The following SGCZ variants were observed in gnomAD, a reference collection of about 807,000 sequenced individuals.
SGCZ encodes sarcoglycan zeta.
SGCZ carries 40 observed loss-of-function variants against 41.3 expected under a neutral mutation model. That is an observed-to-expected ratio of 0.97 (90% confidence interval 0.75 to 1.26). SGCZ has a LOEUF of 1.26. Among genes scored for constraint, SGCZ ranks in the 50% most tolerant of loss-of-function variants. The pLI is 0.00. For synonymous variants in SGCZ, 206 were observed against 137.5 expected (o/e 1.50, Z -3.49); for missense variants, 552 against 369.8 (o/e 1.49, Z -4.04).
chr8:15,130,951 T>G (rs1323130022), intron 1 of SGCZ, among the ~76,000 whole-genome samples: 4 of 152,210 alleles, frequency 2.6e-5, no homozygotes, highest in African/African-American at 9.6e-5. Context: ...TTGACCATTG[T>G]GCTAGATACG....
chr8:14,799,212 A>G (rs1167479693), intron 1 of SGCZ, among the ~76,000 whole-genome samples: 1 of 152,176 alleles, frequency 6.6e-6, no homozygotes, highest in Non-Finnish European at 1.5e-5. Flanking sequence ...TTATTTCTTC[A>G]TCATAGTAAT....
chr8:14,673,229 G>T (rs757676660), intron 1 of SGCZ, among the ~76,000 whole-genome samples: 41 of 152,186 alleles, frequency 2.7e-4, no homozygotes, highest in Non-Finnish European at 5.0e-4. Flanking sequence ...TGGTTGATAT[G>T]GTTTGGCTCT....
intron 1 of SGCZ, among the ~76,000 whole-genome samples, chr8:14,649,746 C>T (rs1327311505): frequency 1.3e-5 from 2 of 152,018 alleles, no homozygotes; most frequent in African/African-American, 4.8e-5. Flanking sequence ...AAACAAACGC[C>T]TGTGAGGCTG....
chr8:14,747,751 G>T (rs1799381233), intron 1 of SGCZ, among the ~76,000 whole-genome samples: 1 of 147,672 alleles, frequency 6.8e-6, no homozygotes, highest in African/African-American at 2.5e-5. Context: ...GTCTCATTCT[G>T]TCCCAGGCTG....
At chr8:14,610,186 C>A (rs996014819) in intron 1 of SGCZ, among the ~76,000 whole-genome samples, 3 of 152,066 alleles carry the variant, frequency 2.0e-5, no homozygotes, top group Non-Finnish European at 2.9e-5. Context: ...TAAGTGGCCC[C>A]AACCTATATT....
chr8:15,176,959 C>A (rs1383748894), intron 1 of SGCZ, among the ~76,000 whole-genome samples: 1 of 152,036 alleles, frequency 6.6e-6, no homozygotes, highest in East Asian at 1.9e-4. Context: ...AGAGATCACG[C>A]CACTGCACTC....
At chr8:14,364,109 G>A (rs1419588796) in intron 2 of SGCZ, among the ~76,000 whole-genome samples, 1 of 152,034 alleles carries the variant, frequency 6.6e-6, no homozygotes, top group African/African-American at 2.4e-5. Context: ...AAAATATATA[G>A]TGTAGTTTAT....
chr8:14,485,678 A>G (rs1801651645), intron 2 of SGCZ, among the ~76,000 whole-genome samples: 2 of 152,142 alleles, frequency 1.3e-5, no homozygotes, highest in Non-Finnish European at 2.9e-5. Context: ...TCTCACTGTA[A>G]CAGAAGCTTA....
At chr8:14,314,633 A>G (rs778936243) in intron 3 of SGCZ, among the ~76,000 whole-genome samples, 8 of 152,256 alleles carry the variant, frequency 5.3e-5, no homozygotes, top group African/African-American at 1.4e-4. Context: ...TTGAACTACA[A>G]TCAGTAGGTA....
chr8:14,539,337 A>G (rs894415838), intron 2 of SGCZ, among the ~76,000 whole-genome samples: 2 of 151,832 alleles, frequency 1.3e-5, no homozygotes, highest in Non-Finnish European at 2.9e-5. Context: ...GTTTGTCTGG[A>G]GAACCCTGAT....
chr8:14,720,333 C>T (rs1030386695), intron 1 of SGCZ, among the ~76,000 whole-genome samples: 1 of 151,960 alleles, frequency 6.6e-6, no homozygotes, highest in African/African-American at 2.4e-5. Context: ...TCTTAAGTAG[C>T]TATCACTAAC....
chr8:14,370,356 G>T (rs957079375), intron 2 of SGCZ, among the ~76,000 whole-genome samples: 1 of 151,732 alleles, frequency 6.6e-6, no homozygotes, highest in African/African-American at 2.4e-5. Flanking sequence ...TGCTTTAGTT[G>T]ATTCATTAAT....
At chr8:15,166,037 T>C (rs550743912) in intron 1 of SGCZ, among the ~76,000 whole-genome samples, 1 of 152,322 alleles carries the variant, frequency 6.6e-6, no homozygotes, top group South Asian at 2.1e-4. Context: ...CTGGATTCTA[T>C]TTCATAATAT....
At chr8:15,012,797 G>C (rs533164133) in intron 1 of SGCZ, among the ~76,000 whole-genome samples, 5 of 149,222 alleles carry the variant, frequency 3.4e-5, no homozygotes, top group Non-Finnish European at 5.9e-5. Flanking sequence ...ATGTGTGTGT[G>C]CATATATATA....
chr8:15,151,927 C>T (rs997737291), intron 1 of SGCZ, among the ~76,000 whole-genome samples: 1 of 152,010 alleles, frequency 6.6e-6, no homozygotes, highest in Non-Finnish European at 1.5e-5. Flanking sequence ...AAACCACATA[C>T]ACTAAGGGGA....
intron 1 of SGCZ, among the ~76,000 whole-genome samples, chr8:15,195,058 A>T (rs79462674): frequency 0.016 from 2,504 of 152,322 alleles, 66 homozygotes; most frequent in African/African-American, 0.056. Context: ...AAAATAAACT[A>T]TAAATACTAC....
intron 5 of SGCZ, among the ~76,000 whole-genome samples, chr8:14,151,041 G>A (rs750574362): frequency 4.1e-4 from 63 of 152,226 alleles, no homozygotes; most frequent in African/African-American, 1.3e-3. Flanking sequence ...GTGGGGATGC[G>A]TCAGGTGAGG....
chr8:14,417,738 A>C (rs1166758004), intron 2 of SGCZ, among the ~76,000 whole-genome samples: 1 of 151,896 alleles, frequency 6.6e-6, no homozygotes, highest in Non-Finnish European at 1.5e-5. Flanking sequence ...TTTTACACAA[A>C]AAAGGTAACT....
At chr8:15,137,327 G>A (rs1252898430) in intron 1 of SGCZ, among the ~76,000 whole-genome samples, 1 of 152,174 alleles carries the variant, frequency 6.6e-6, no homozygotes, top group African/African-American at 2.4e-5. Flanking sequence ...TTTGCAGCCT[G>A]ACAATGCAAT....
Sources: allele counts gnomAD v4.1 joint callset (sites outside exome capture counted in the v4.1 genomes callset), GRCh38; gene constraint gnomAD v4.1.1; transcripts MANE v1.5; gene names NCBI Gene and HGNC (gene_info 2026-07-23, HGNC 2026-07-21).